SLC30A5: variants seen among roughly 807,000 people sequenced by gnomAD.
SLC30A5 encodes proton-coupled zinc antiporter SLC30A5.
A neutral mutation model predicts 79.6 loss-of-function variants in SLC30A5; 33 were observed. The observed-to-expected ratio is 0.41, with a 90% CI of 0.31 to 0.55. The LOEUF is 0.55. Ranked by LOEUF, SLC30A5 falls within the 20% of genes least tolerant of loss-of-function variation. The pLI, the probability that SLC30A5 is intolerant of heterozygous loss-of-function variation, is 0.20. For synonymous variants in SLC30A5, 299 were observed against 319.7 expected (o/e 0.94, Z 0.69); for missense variants, 788 against 928.1 (o/e 0.85, Z 1.96).
intron 14 of SLC30A5, among the ~76,000 whole-genome samples, chr5:69,127,694 T>G (rs1219174966): frequency 6.6e-6 from 1 of 152,026 alleles, no homozygotes; most frequent in African/African-American, 2.4e-5. Context: ...TTTGCCTTCC[T>G]ACTCAGAGCT....
intron 4 of SLC30A5, among the ~76,000 whole-genome samples, chr5:69,108,041 A>AT (rs1746134960): frequency 6.6e-6 from 1 of 152,068 alleles, no homozygotes; most frequent in Non-Finnish European, 1.5e-5. Flanking sequence ...CATTGCCTGT[A>AT]TTTTTTTGGA....
intron 4 of SLC30A5, among the ~76,000 whole-genome samples, chr5:69,105,424 C>T (rs1349076567): frequency 6.6e-6 from 1 of 152,144 alleles, no homozygotes; most frequent in Non-Finnish European, 1.5e-5. Context: ...GAAGAATGTT[C>T]TTGGCCAGCA....
At position 69,126,863 on chromosome 5, in the gene SLC30A5, A is replaced by G. The variant is rs190688612; in HGVS notation, c.1999-1141A>G. On this transcript the variant is annotated intron_variant, in intron 14 of 15. Coordinates refer to ENST00000396591, the MANE Select transcript of SLC30A5 (RefSeq NM_022902.5). ...TTGCAGAAAACTTCAAAATATAGAAAAGTGCAAAAAAGAAAAAAAAAAATC... is the reference window on the plus strand; with the variant it reads ...TTGCAGAAAACTTCAAAATATAGAAGAGTGCAAAAAAGAAAAAAAAAAATC... 2.9e-3 allele frequency among the ~76,000 whole-genome samples: 368 copies of G among 126,964 alleles called. 10 individuals carry two copies. Among genetic ancestry groups the G allele is most frequent in the African/African-American group, 9.8e-3 (355 of 36,044 alleles). 83.3% of individuals were successfully genotyped at this position (126,964 alleles called of 152,430 possible). A position where few individuals can be genotyped will look rare whatever the true frequency, so the allele number is the denominator to read the frequency against.
rs164572 is a variant in SLC30A5, at chr5:69,123,227, A to T, written c.1800A>T (p.Thr600=). The T allele has an allele frequency of 0.42, 676,533 of 1,606,882 alleles. 144,603 individuals are homozygous for T. Among genetic ancestry groups the T allele is most frequent in the East Asian group, 0.51 (22,951 of 44,744 alleles). ...TATTTCTACATGTTTTGGCAGATAC[A>T]CTTGGCAGCATTGGTGTGATCGTAT... ...RGVFLHVLAD[T]LGSIGVIVST... is the part of the protein sequence containing the mutation. Residue 600 remains threonine, a synonymous_variant, in exon 14 of 16, where the codon ACA becomes ACT. Coordinates refer to ENST00000396591, the MANE Select transcript of SLC30A5 (RefSeq NM_022902.5).
At chr5:69,127,102 A>G (rs922749465) in intron 14 of SLC30A5, among the ~76,000 whole-genome samples, 2 of 152,128 alleles carry the variant, frequency 1.3e-5, no homozygotes, top group African/African-American at 2.4e-5. Context: ...GCATTATTAC[A>G]TTGTATGGGC....
At chr5:69,115,020 C>T (rs1217938619) in intron 7 of SLC30A5, among the ~76,000 whole-genome samples, 3 of 151,318 alleles carry the variant, frequency 2.0e-5, no homozygotes, top group Admixed American at 6.6e-5. Flanking sequence ...GTCCCGGCTA[C>T]TTGGGAGGCT....
chr5:69,109,068 A>G (rs1192281703), intron 5 of SLC30A5, among the ~76,000 whole-genome samples: 1 of 152,162 alleles, frequency 6.6e-6, no homozygotes, highest in Non-Finnish European at 1.5e-5. Context: ...TTTCCCCCAA[A>G]GGTAACTTCT....
chr5:69,127,254 C>T (rs1746722677), intron 14 of SLC30A5, among the ~76,000 whole-genome samples: 2 of 151,996 alleles, frequency 1.3e-5, no homozygotes, highest in African/African-American at 4.8e-5. Context: ...GTGTCTAGGT[C>T]ATGATTAGAA....
At chr5:69,120,086 AAC>A (rs1365880546) in intron 12 of SLC30A5, among the ~76,000 whole-genome samples, 1 of 151,968 alleles carries the variant, frequency 6.6e-6, no homozygotes, top group African/African-American at 2.4e-5. Flanking sequence ...AAAAAATGGA[AAC>A]AATTCACTGT....
At chr5:69,111,602 C>T (rs1580175064) in intron 5 of SLC30A5, among the ~76,000 whole-genome samples, 2 of 152,144 alleles carry the variant, frequency 1.3e-5, no homozygotes. Flanking sequence ...CCACGCCTGG[C>T]CTTTTTTTCT....
In SLC30A5 at chr5:69,117,346, T is replaced by C; in HGVS notation, c.1389T>C (p.Leu463=). Residue 463 remains leucine (L), a synonymous_variant, in exon 11 of 16, where the codon CTT becomes CTC. Transcript: ENST00000396591. The part of the protein sequence containing the change: ...LFDCSALVMG[L]FAALMSRWKA... ...ACTGCTCTGCTTTAGTCATGGGACTTTTTGCTGCCCTGATGAGTAGGTGGA... is the reference window on the plus strand; with the variant it reads ...ACTGCTCTGCTTTAGTCATGGGACTCTTTGCTGCCCTGATGAGTAGGTGGA... 1 of 1,614,090 alleles carries C rather than the reference T, an allele frequency of 6.2e-7. No individual in the cohort carries two copies. The highest frequency in any genetic ancestry group is 8.5e-7 in the Non-Finnish European group (1 of 1,180,014).
chr5:69,125,019 A>C (rs1003380221), intron 14 of SLC30A5, among the ~76,000 whole-genome samples: 3 of 152,216 alleles, frequency 2.0e-5, no homozygotes, highest in African/African-American at 4.8e-5. Flanking sequence ...TAAAACATAA[A>C]AGGCAGACCA....
chr5:69,117,681 A>C (rs554623031), intron 11 of SLC30A5, among the ~76,000 whole-genome samples: 2 of 151,484 alleles, frequency 1.3e-5, no homozygotes, highest in East Asian at 3.9e-4. Context: ...GTTCGAGACC[A>C]GCCTGGCCAA....
chr5:69,114,909 C>T (rs1746322284), intron 7 of SLC30A5, among the ~76,000 whole-genome samples: 1 of 151,918 alleles, frequency 6.6e-6, no homozygotes, highest in Non-Finnish European at 1.5e-5. Context: ...TATAACATTG[C>T]CGGCCATTTA....
At chr5:69,127,639 CA>C (rs1029904109) in intron 14 of SLC30A5, among the ~76,000 whole-genome samples, 2 of 151,416 alleles carry the variant, frequency 1.3e-5, no homozygotes, top group African/African-American at 2.4e-5. Context: ...AAGACTGTCT[CA>C]AAAAAAACAA....
chr5:69,098,339 C>G (rs1293948581), intron 1 of SLC30A5, among the ~76,000 whole-genome samples: 3 of 152,106 alleles, frequency 2.0e-5, no homozygotes, highest in Admixed American at 2.0e-4. Context: ...GCCTGGCCAA[C>G]CAGCATGGCA....
Position 69,108,533 on chromosome 5 carries a change from T to C in SLC30A5, c.447+97T>C, listed in dbSNP as rs1156417885. ...TCTTATCTTTCACCATTTAAAAGAATGCAGGAGGCTGAGCGCGATGGCTCA... is the reference window on the plus strand; with the variant it reads ...TCTTATCTTTCACCATTTAAAAGAACGCAGGAGGCTGAGCGCGATGGCTCA... On this transcript the variant is annotated intron_variant, in intron 5 of 15. Transcript: ENST00000396591. The C allele has an allele frequency of 1.5e-5, 15 of 977,390 alleles. No individual in the cohort carries two copies. The East Asian group carries it at 3.5e-4, about 23-fold the overall frequency. 60.5% of individuals were successfully genotyped at this position (977,390 alleles called of 1,614,324 possible).
chr5:69,094,070 A>G lies in SLC30A5; in HGVS notation c.-186A>G. ...GCGCCGCCGGAACTGATCGCGGCCT[A>G]GTCCCGACGCGTGTGTGCTAGTGAG... On this transcript the variant is annotated 5_prime_UTR_variant, in exon 1 of 16. Coordinates refer to ENST00000396591, the MANE Select transcript of SLC30A5 (RefSeq NM_022902.5). 2 of 399,496 alleles carry G rather than the reference A, an allele frequency of 5.0e-6. No individual in the cohort carries two copies. The highest frequency in any genetic ancestry group is 8.9e-6 in the Non-Finnish European group (2 of 224,756). 24.7% of individuals were successfully genotyped at this position (399,496 alleles called of 1,614,324 possible).
At chr5:69,120,333 G>A (rs1014973922) in intron 12 of SLC30A5, among the ~76,000 whole-genome samples, 2 of 151,000 alleles carry the variant, frequency 1.3e-5, no homozygotes, top group Non-Finnish European at 1.5e-5. Flanking sequence ...GCAATAAGCC[G>A]AGATCATGCC....
Sources: gnomAD v4.1 joint callset for allele counts (sites outside exome capture counted in the v4.1 genomes callset) on GRCh38, gnomAD v4.1.1 for gene constraint, MANE v1.5 for transcripts, NCBI Gene and HGNC (gene_info 2026-07-23, HGNC 2026-07-21) for gene names.